Variants in DCC observed in about 807,000 individuals in gnomAD.
DCC encodes the protein netrin receptor DCC.
Under a neutral mutation model 172.5 loss-of-function variants are expected in DCC, and 58 were observed. That is an observed-to-expected ratio of 0.34 (90% CI 0.27 to 0.42). The LOEUF (loss-of-function observed/expected upper bound fraction) is 0.42, where lower values mean the gene tolerates loss of function less well. Ranked by LOEUF, DCC falls within the 10% of genes least tolerant of loss-of-function variation. The pLI, the probability that DCC is intolerant of heterozygous loss-of-function variation, is 1.00. For synonymous variants in DCC, 709 were observed against 644.5 expected, an observed-to-expected ratio of 1.10 and a Z score of -1.52; for missense variants, 1,740 against 1,791.0, an observed-to-expected ratio of 0.97 and a Z score of 0.51.
At chr18:52,845,078 A>G (rs2038864117) in intron 2 of DCC, among the ~76,000 whole-genome samples, 3 of 152,252 alleles carry the variant, frequency 2.0e-5, no homozygotes, top group Non-Finnish European at 4.4e-5. Context: ...ATGTCAGTGA[A>G]AAATGAACTC....
At chr18:52,799,035 C>T (rs2037931808) in intron 2 of DCC, among the ~76,000 whole-genome samples, 1 of 152,230 alleles carries the variant, frequency 6.6e-6, no homozygotes. Context: ...AGGCGTGAGC[C>T]ACCGTGGCCA....
At position 52,700,981 on chromosome 18, in the gene DCC, A is replaced by T. The variant is rs373144256; in HGVS notation, c.92-51073A>T. 7.9e-5 allele frequency among the ~76,000 whole-genome samples: 12 copies of T among 152,324 alleles called. No individual in the cohort carries two copies. In the South Asian group the frequency reaches 1.4e-3, roughly 18 times the overall value. On this transcript the variant is annotated intron_variant, in intron 1 of 28. Transcript: ENST00000442544. ...CTGTACAAAGCTCTTTATAACAAAC[A>T]TATTGTCATGGTAAATTCCATTGGC...
intron 1 of DCC, among the ~76,000 whole-genome samples, chr18:52,737,881 T>A (rs975281428): frequency 7.2e-5 from 11 of 152,132 alleles, no homozygotes; most frequent in Non-Finnish European, 1.6e-4. Flanking sequence ...TGAGGAGAGC[T>A]TAACATAAGA....
intron 1 of DCC, among the ~76,000 whole-genome samples, chr18:52,509,385 TA>T (rs1179918217): frequency 6.6e-6 from 1 of 152,180 alleles, no homozygotes. Context: ...CTCCAAAATT[TA>T]AAAGTACCTC....
intron 7 of DCC, among the ~76,000 whole-genome samples, chr18:53,092,135 G>C (rs935718276): frequency 6.6e-6 from 1 of 152,090 alleles, no homozygotes; most frequent in East Asian, 1.9e-4. Context: ...GACTTCTTAG[G>C]CTTCAAAATT....
chr18:52,542,097 A>G (rs2032477799), intron 1 of DCC, among the ~76,000 whole-genome samples: 1 of 150,108 alleles, frequency 6.7e-6, no homozygotes, highest in South Asian at 2.1e-4. Flanking sequence ...CTTAAAATAA[A>G]TCTATACTAG....
chr18:53,514,854 G>A lies in DCC; in HGVS notation c.4112-11763G>A, dbSNP rs1213936904. 1.8e-4 allele frequency among the ~76,000 whole-genome samples: 28 copies of A among 151,882 alleles called. No individual in the cohort carries two copies. In the South Asian group the frequency reaches 2.3e-3, roughly 12 times the overall value. ...TCCAGGACCAGATGGATTCACAGCC[G>A]AATTCTACCAGAGGTACAAGGAGGA... On this transcript the variant is annotated intron_variant, in intron 27 of 28. Coordinates refer to ENST00000442544, the MANE Select transcript of DCC (RefSeq NM_005215.4).
At chr18:52,554,150 G>T (rs955845524) in intron 1 of DCC, among the ~76,000 whole-genome samples, 1 of 152,144 alleles carries the variant, frequency 6.6e-6, no homozygotes, top group African/African-American at 2.4e-5. Context: ...GGCATTGTTG[G>T]ATCACAAAGT....
At chr18:52,953,281 G>A (rs2040688925) in intron 5 of DCC, among the ~76,000 whole-genome samples, 1 of 152,132 alleles carries the variant, frequency 6.6e-6, no homozygotes, top group Non-Finnish European at 1.5e-5. Flanking sequence ...AAGACATACA[G>A]AAGTGTCCAT....
At chr18:52,599,769 C>A (rs928965214) in intron 1 of DCC, among the ~76,000 whole-genome samples, 3 of 152,108 alleles carry the variant, frequency 2.0e-5, no homozygotes, top group Non-Finnish European at 4.4e-5. Context: ...CTGCCTAGAC[C>A]TCCCAAAGTG....
intron 4 of DCC, 104 bp from the exon 5 acceptor site, chr18:52,925,130 A>G: frequency 2.6e-6 from 3 of 1,160,406 alleles, no homozygotes; most frequent in Non-Finnish European, 3.9e-6. Flanking sequence ...AGTTTCTTTC[A>G]AGTGTCTTAA....
rs369485264 is a variant in DCC at position 52,452,107 on chromosome 18, T to C, written c.91+111229T>C. Among the ~76,000 whole-genome samples, 13 of 152,294 alleles carry C rather than the reference T, an allele frequency of 8.5e-5. No homozygotes were observed. In the East Asian group the frequency reaches 2.5e-3, roughly 29 times the overall value. The stretch of plus-strand genomic sequence containing the variant: ...TGGTTATCTGGCCTGATTCTGATAA[T>C]CCACTAAGCAGAAGCTGCAGACAAG... On this transcript the variant is annotated intron_variant, in intron 1 of 28. Coordinates refer to ENST00000442544, the MANE Select transcript of DCC (RefSeq NM_005215.4).
chr18:52,935,395 A>G (rs566994991), intron 5 of DCC, among the ~76,000 whole-genome samples: 1 of 152,214 alleles, frequency 6.6e-6, no homozygotes, highest in African/African-American at 2.4e-5. Context: ...TATATCATTA[A>G]CTGTGATGAA....
intron 1 of DCC, among the ~76,000 whole-genome samples, chr18:52,678,008 A>C (rs2144984080): frequency 6.6e-6 from 1 of 152,330 alleles, no homozygotes; most frequent in African/African-American, 2.4e-5. Flanking sequence ...TATTGCGTGT[A>C]TTACCTTCCA....
chr18:53,099,960 T>C (rs1280369858), intron 7 of DCC, among the ~76,000 whole-genome samples: 7 of 122,320 alleles, frequency 5.7e-5, no homozygotes, highest in Admixed American at 2.3e-4. Flanking sequence ...TTTTTTTTTT[T>C]GTTTGAGACA....
intron 13 of DCC, among the ~76,000 whole-genome samples, chr18:53,312,915 G>A (rs1599013722): frequency 1.4e-5 from 1 of 73,282 alleles, no homozygotes; most frequent in South Asian, 3.8e-4. Flanking sequence ...GGAAGGGAAA[G>A]GGAGGGGAGG....
intron 1 of DCC, among the ~76,000 whole-genome samples, chr18:52,459,506 C>A (rs1453828540): frequency 6.6e-6 from 1 of 151,016 alleles, no homozygotes; most frequent in Admixed American, 6.6e-5. Flanking sequence ...CTCACTCTGT[C>A]GCCCAGGCTG....
chr18:52,439,143 A>T (rs747747877), intron 1 of DCC, among the ~76,000 whole-genome samples: 2 of 150,828 alleles, frequency 1.3e-5, no homozygotes, highest in Non-Finnish European at 2.9e-5. Flanking sequence ...CATGGTAAAC[A>T]TACCACTGTT....
At chr18:52,656,657 G>A (rs193230086) in intron 1 of DCC, among the ~76,000 whole-genome samples, 1 of 152,264 alleles carries the variant, frequency 6.6e-6, no homozygotes, top group Admixed American at 6.5e-5. Flanking sequence ...ACAGTGCTAG[G>A]CTCAAGGGAC....
Sources: gnomAD v4.1 joint callset for allele counts (sites outside exome capture counted in the v4.1 genomes callset) on GRCh38, gnomAD v4.1.1 for gene constraint, MANE v1.5 for transcripts, NCBI Gene and HGNC (gene_info 2026-07-23, HGNC 2026-07-21) for gene names.